Variants in PTK7 observed in about 807,000 individuals in gnomAD.
PTK7 encodes the protein inactive tyrosine-protein kinase 7.
PTK7 carries 39 observed loss-of-function variants against 116.6 expected under a neutral mutation model. The observed-to-expected ratio is 0.33, with a 90% CI of 0.26 to 0.44. PTK7 has a LOEUF of 0.44. Among genes scored for constraint, PTK7 ranks in the 20% least tolerant of loss-of-function variants. The probability of loss-of-function intolerance (pLI) is 1.00; values close to 1 mark genes in which losing one functional copy is unlikely to be tolerated. For missense variants in PTK7, 1,169 were observed against 1,425.6 expected, an observed-to-expected ratio of 0.82 and a Z score of 2.90; for synonymous variants, 546 against 563.6, an observed-to-expected ratio of 0.97 and a Z score of 0.44.
intron 13 of PTK7, 73 bp downstream of exon 13, chr6:43,142,372 T>A (rs1304115079): frequency 6.2e-7 from 1 of 1,607,032 alleles, no homozygotes. Flanking sequence ...ACTCAGCCCC[T>A]GTGTACAGAA....
At chr6:43,095,160 G>C (rs1259426539) in intron 1 of PTK7, among the ~76,000 whole-genome samples, 2 of 137,586 alleles carry the variant, frequency 1.5e-5, no homozygotes, top group Non-Finnish European at 3.0e-5. Context: ...GGGAGTTCGA[G>C]ACCAGCCTGA....
chr6:43,158,895 C>T lies in PTK7; in HGVS notation c.2800C>T (p.Arg934Cys), dbSNP rs1771671109. ...NRFVHKDLAA[R>C]NCLVSAQRQV... ...CTTTGTGCATAAGGACTTGGCTGCG[C>T]GTAACTGCCTGGTCAGTGCCCAGAG... Residue 934 changes from arginine to cysteine, a missense_variant, in exon 18 of 20, where the codon CGT becomes TGT. By Grantham distance (180) the Arg-to-Cys change is radical (BLOSUM62 -3). Transcript: ENST00000230419. 9.9e-6 allele frequency: 16 copies of T among 1,614,092 alleles called. No individual in the cohort carries two copies. The highest frequency in any genetic ancestry group is 1.2e-5 in the Non-Finnish European group (14 of 1,180,044).
In PTK7 at chr6:43,076,858, C is replaced by T; in HGVS notation, c.79+291C>T. ...AGCCGAGAGTTTGCTCGAGAACTGC[C>T]GAGAGTTGCTGGCTCTCGGGCCCAG... On this transcript the variant is annotated intron_variant, in intron 1 of 19. Coordinates refer to ENST00000230419, the MANE Select transcript of PTK7 (RefSeq NM_002821.5). This position sits in a 1 kb window ranked among gnomAD's most constrained non-coding sequence, Gnocchi z 5.7. 1 of 1,467,128 alleles carries T rather than the reference C, an allele frequency of 6.8e-7. No individual in the cohort carries two copies. The highest frequency in any genetic ancestry group is 9.0e-7 in the Non-Finnish European group (1 of 1,105,966). The allele number at this position is 1,467,128 out of a possible 1,614,324, so 90.9% of individuals were successfully genotyped here.
chr6:43,107,937 T>A (rs988469015), intron 1 of PTK7, among the ~76,000 whole-genome samples: 4 of 152,200 alleles, frequency 2.6e-5, no homozygotes, highest in African/African-American at 9.7e-5. Flanking sequence ...TGTAAGCACA[T>A]GAAATGTTAA....
chr6:43,141,959 G>A lies in PTK7; in HGVS notation c.1797G>A (p.Glu599=), dbSNP rs1430995642. Residue 599 remains glutamate, a synonymous_variant, in exon 12 of 20, where the codon GAG becomes GAA. Transcript: ENST00000230419. This position sits in a 1 kb window ranked among gnomAD's most constrained non-coding sequence, Gnocchi z 4.9. The part of the protein sequence containing the change: ...AVFITFKVEP[E]RTTVYQGHTA... ...TTATCACCTTCAAAGTGGAACCAGA[G>A]CGTACGACTGTGTACCAGGGCCACA... The A allele has an allele frequency of 5.6e-6, 9 of 1,612,630 alleles. No individual in the cohort carries two copies. The highest frequency in any genetic ancestry group is 4.2e-6 in the Non-Finnish European group (5 of 1,179,552).
intron 7 of PTK7, among the ~76,000 whole-genome samples, chr6:43,133,995 TC>T (rs1769873261): frequency 6.6e-6 from 1 of 152,198 alleles, no homozygotes; most frequent in Admixed American, 6.5e-5. Flanking sequence ...AGTCAAGCCT[TC>T]CTCCAGTTGA....
At chr6:43,134,735 G>T (rs370634336) in intron 7 of PTK7, among the ~76,000 whole-genome samples, 1 of 151,456 alleles carries the variant, frequency 6.6e-6, no homozygotes, top group Non-Finnish European at 1.5e-5. Context: ...AGTCGAGATC[G>T]TGCCATTGCA....
Position 43,145,130 on chromosome 6 carries a change from C to G in PTK7, c.2408-70C>G. The G allele has an allele frequency of 9.2e-6, 13 of 1,410,516 alleles. No homozygotes were observed. Among genetic ancestry groups the G allele is most frequent in the East Asian group, 2.4e-5 (1 of 42,174 alleles). The allele number at this position is 1,410,516 out of a possible 1,614,324, so 87.4% of individuals were successfully genotyped here. On this transcript the variant is annotated intron_variant, in intron 15 of 19. Transcript: ENST00000230419. This position sits in a 1 kb window ranked among gnomAD's most constrained non-coding sequence, Gnocchi z 4.8. ...GGTCCCCACTGTGGGAGAGGCTAGG[C>G]CCCTCCCCCAGGTCAGGAGCTGCCT... is the stretch of plus-strand genomic sequence containing the variant.
chr6:43,155,955 G>C (rs909008349), intron 17 of PTK7, among the ~76,000 whole-genome samples: 1 of 152,110 alleles, frequency 6.6e-6, no homozygotes, highest in Admixed American at 6.5e-5. Flanking sequence ...GAGGCCAGGC[G>C]TGGTGGCTCA....
In PTK7 at chr6:43,085,576, G is replaced by A. The variant is rs564156762; in HGVS notation, c.79+9009G>A. 5.9e-5 allele frequency among the ~76,000 whole-genome samples: 9 copies of A among 151,552 alleles called. 1 individual carries two copies. The highest frequency in any genetic ancestry group is 7.3e-5 in the African/African-American group (3 of 41,296). ...GTGTCAGCCTTTATTTCCAGCCTTC[G>A]GACCCTAGAATGGTTTGCCAAAGGC... On this transcript the variant is annotated intron_variant, in intron 1 of 19. Coordinates refer to ENST00000230419, the MANE Select transcript of PTK7 (RefSeq NM_002821.5).
intron 1 of PTK7, among the ~76,000 whole-genome samples, chr6:43,083,660 C>A (rs1309928894): frequency 1.3e-5 from 2 of 152,200 alleles, no homozygotes; most frequent in African/African-American, 4.8e-5. Context: ...AGGCGCCTTT[C>A]CCCTCTCGCA....
chr6:43,092,559 G>A (rs1484188072), intron 1 of PTK7, among the ~76,000 whole-genome samples: 1 of 152,032 alleles, frequency 6.6e-6, no homozygotes, highest in Non-Finnish European at 1.5e-5. Flanking sequence ...CCACTGGGGG[G>A]TCATAGAACA....
chr6:43,157,788 G>C (rs553363351), intron 17 of PTK7, among the ~76,000 whole-genome samples: 1 of 151,718 alleles, frequency 6.6e-6, no homozygotes, highest in African/African-American at 2.4e-5. Context: ...GTGCAATGGC[G>C]CAATCTCGGC....
Position 43,141,642 on chromosome 6 carries a change from A to G in PTK7, c.1619-26A>G, listed in dbSNP as rs780087552. ...TGTCTGTGTAACCCTGATCCTTCCC[A>G]TAATTTCCCTTTGTTACCCCTGCAG... is the stretch of plus-strand genomic sequence containing the variant. On this transcript the variant is annotated intron_variant, in intron 10 of 19. Coordinates refer to ENST00000230419, the MANE Select transcript of PTK7 (RefSeq NM_002821.5). The surrounding 1 kb of genome is among the most constrained non-coding windows in gnomAD (Gnocchi z 4.9). 4 of 1,610,286 alleles carry G rather than the reference A, an allele frequency of 2.5e-6. No individual in the cohort carries two copies. The highest frequency in any genetic ancestry group is 3.3e-5 in the Admixed American group (2 of 59,904).
At position 43,142,229 on chromosome 6, in the gene PTK7, A is replaced by G; in HGVS notation, c.1977A>G (p.Ser659=). ...TCCATGACGTGGCCCCTGAGGACTC[A>G]GGCCGCTACACCTGCATTGCAGGCA... The part of the protein sequence containing the change: ...LVIHDVAPED[S]GRYTCIAGNS... The change falls in exon 13 of 20, where the codon TCA becomes TCG. Residue 659 remains serine (S), a synonymous_variant. Coordinates refer to ENST00000230419, the MANE Select transcript of PTK7 (RefSeq NM_002821.5). 1.2e-6 allele frequency: 2 copies of G among 1,614,126 alleles called. No homozygotes were observed. The highest frequency in any genetic ancestry group is 1.7e-6 in the Non-Finnish European group (2 of 1,180,026).
chr6:43,118,084 G>A (rs967028232), intron 1 of PTK7, among the ~76,000 whole-genome samples: 1 of 149,624 alleles, frequency 6.7e-6, no homozygotes, highest in Admixed American at 6.7e-5. Context: ...GCAGCCAGAA[G>A]CAGGTGGTCA....
chr6:43,146,635 C>T lies in PTK7; in HGVS notation c.2658C>T (p.Phe886=). ...EYVDLGDLKQ[F]LRISKSKDEK... is the part of the protein sequence containing the mutation. ...TCCCTTAGGGAGACCTCAAGCAGTT[C>T]CTGAGGATTTCCAAGAGCAAGGATG... Residue 886 remains phenylalanine (F), a synonymous_variant, in exon 17 of 20, where the codon TTC becomes TTT. Coordinates refer to ENST00000230419, the MANE Select transcript of PTK7 (RefSeq NM_002821.5). 5 of 1,613,616 alleles carry T rather than the reference C, an allele frequency of 3.1e-6. No individual in the cohort carries two copies. Among genetic ancestry groups the T allele is most frequent in the African/African-American group, 2.7e-5 (2 of 74,970 alleles).
At chr6:43,146,945 A>C (rs1320453521) in intron 17 of PTK7, among the ~76,000 whole-genome samples, 5 of 152,220 alleles carry the variant, frequency 3.3e-5, no homozygotes, top group African/African-American at 1.2e-4. Flanking sequence ...GTGGCTTTGC[A>C]TTGCCATGCT....
intron 17 of PTK7, among the ~76,000 whole-genome samples, chr6:43,156,216 A>C (rs1235381189): frequency 1.5e-5 from 2 of 129,450 alleles, no homozygotes; most frequent in African/African-American, 6.2e-5. Flanking sequence ...GTGACAGAGC[A>C]ATACCCTGTC....
Sources: gnomAD v4.1 joint callset for allele counts (sites outside exome capture counted in the v4.1 genomes callset) on GRCh38, gnomAD v4.1.1 for gene constraint, Gnocchi (gnomAD v3.1) non-coding constraint, MANE v1.5 for transcripts, NCBI Gene and HGNC (gene_info 2026-07-23, HGNC 2026-07-21) for gene names.